GRHL2: variants seen among roughly 807,000 people sequenced by gnomAD.
The protein encoded by GRHL2 is grainyhead-like protein 2 homolog.
Under a neutral mutation model 83.8 loss-of-function variants are expected in GRHL2, and 21 were observed. That is an observed-to-expected ratio of 0.25 (90% CI 0.18 to 0.36). The LOEUF is 0.36. Ranked by LOEUF, GRHL2 falls within the 10% of genes least tolerant of loss-of-function variation. The pLI, the probability that GRHL2 is intolerant of heterozygous loss-of-function variation, is 1.00. For missense variants in GRHL2, 623 were observed against 781.8 expected, an observed-to-expected ratio of 0.80 and a Z score of 2.42; for synonymous variants, 280 against 278.9, an observed-to-expected ratio of 1.00 and a Z score of -0.04.
At chr8:101,503,769 T>A (rs1424649883) in intron 1 of GRHL2, among the ~76,000 whole-genome samples, 1 of 152,108 alleles carries the variant, frequency 6.6e-6, no homozygotes, top group African/African-American at 2.4e-5. Flanking sequence ...AATGAAAAAA[T>A]CCTTAATGAT....
At chr8:101,639,940 C>T (rs1254093558) in intron 12 of GRHL2, among the ~76,000 whole-genome samples, 1 of 152,224 alleles carries the variant, frequency 6.6e-6, no homozygotes, top group African/African-American at 2.4e-5. Flanking sequence ...TCATCACTCA[C>T]ACAATGACCA....
At chr8:101,586,722 C>T (rs749600574) in intron 7 of GRHL2, among the ~76,000 whole-genome samples, 6 of 152,158 alleles carry the variant, frequency 3.9e-5, no homozygotes, top group Non-Finnish European at 7.3e-5. Flanking sequence ...ACCGATGTTG[C>T]ATAATCGATG....
intron 2 of GRHL2, chr8:101,543,710 C>T (rs887147198): frequency 2.2e-6 from 1 of 447,164 alleles, no homozygotes; most frequent in African/African-American, 2.0e-5. Flanking sequence ...TTATTCTTAC[C>T]ATATTACAAA....
intron 11 of GRHL2, among the ~76,000 whole-genome samples, chr8:101,632,727 G>A (rs61627948): frequency 0.11 from 16,544 of 152,240 alleles, 2,435 homozygotes; most frequent in African/African-American, 0.33. Flanking sequence ...AACTGCACCT[G>A]TAACTGCATA....
At chr8:101,612,520 G>GATAGATAGATACATAC (rs371662487) in intron 8 of GRHL2, among the ~76,000 whole-genome samples, 4,942 of 123,536 alleles carry the variant, frequency 0.04, 140 homozygotes, top group Non-Finnish European at 0.048. Flanking sequence ...TAGATAGATA[G>GATAGATAGATACATAC]ATACATACAT....
At chr8:101,552,983 C>T (rs1811416166) in intron 3 of GRHL2, among the ~76,000 whole-genome samples, 1 of 152,290 alleles carries the variant, frequency 6.6e-6, no homozygotes, top group East Asian at 1.9e-4. Flanking sequence ...AGGGTCTCTC[C>T]ACCCTCTTCA....
downstream of GRHL2, among the ~76,000 whole-genome samples, chr8:101,670,684 C>A (rs1814190093): frequency 6.6e-6 from 1 of 152,222 alleles, no homozygotes; most frequent in African/African-American, 2.4e-5. Context: ...GCAGCCTCCC[C>A]CTTGGCCTGT....
rs1003359624 is a variant in GRHL2, at chr8:101,669,406, A to G, written c.*2703A>G. On this transcript the variant is annotated 3_prime_UTR_variant, in exon 16 of 16. Coordinates refer to ENST00000646743, the MANE Select transcript of GRHL2 (RefSeq NM_024915.4). ...ATGTCATCTTGGAATTGGTTTCTAA[A>G]AGAGTAAGGCATGTCCCTGCCCAGA... 6.6e-6 allele frequency: 1 copy of G among 152,510 alleles called. No individual in the cohort carries two copies. The highest frequency in any genetic ancestry group is 2.4e-5 in the African/African-American group (1 of 41,428). 9.4% of individuals were successfully genotyped at this position (152,510 alleles called of 1,614,324 possible). A position where few individuals can be genotyped will look rare whatever the true frequency, so the allele number is the denominator to read the frequency against.
At chr8:101,672,960 A>G (rs544857875), downstream of GRHL2, among the ~76,000 whole-genome samples, 1 of 151,860 alleles carries the variant, frequency 6.6e-6, no homozygotes, top group South Asian at 2.1e-4. Flanking sequence ...ACTAAGCTTC[A>G]TAAGTGAAGG....
intron 12 of GRHL2, among the ~76,000 whole-genome samples, chr8:101,642,027 A>G (rs1182538281): frequency 6.6e-6 from 1 of 152,104 alleles, no homozygotes; most frequent in Non-Finnish European, 1.5e-5. Flanking sequence ...GAATTTTTTT[A>G]TTGTGGTTGG....
chr8:101,555,288 T>G (rs140021723), intron 3 of GRHL2, among the ~76,000 whole-genome samples: 43 of 152,332 alleles, frequency 2.8e-4, no homozygotes, highest in African/African-American at 1.0e-3. Flanking sequence ...TAGGGGCTTA[T>G]CCCCAAGTAT....
chr8:101,638,893 G>A (rs1390800538), intron 12 of GRHL2, among the ~76,000 whole-genome samples: 5 of 152,200 alleles, frequency 3.3e-5, no homozygotes, highest in Non-Finnish European at 7.3e-5. Flanking sequence ...TTCCACTCCT[G>A]GACTGCCGCC....
chr8:101,567,862 A>G (rs1436599199), intron 4 of GRHL2, among the ~76,000 whole-genome samples: 1 of 152,206 alleles, frequency 6.6e-6, no homozygotes, highest in African/African-American at 2.4e-5. Flanking sequence ...GCAGAAATCT[A>G]TGGCATGGAT....
chr8:101,639,808 T>C (rs1813361473), intron 12 of GRHL2, among the ~76,000 whole-genome samples: 1 of 152,242 alleles, frequency 6.6e-6, no homozygotes, highest in African/African-American at 2.4e-5. Context: ...TCGCTGGTAT[T>C]TGTACAGCTT....
At chr8:101,522,252 G>A (rs2130049565) in intron 1 of GRHL2, among the ~76,000 whole-genome samples, 1 of 151,974 alleles carries the variant, frequency 6.6e-6, no homozygotes, top group Non-Finnish European at 1.5e-5. Flanking sequence ...CTAACCAGCT[G>A]TATTTCAAAG....
chr8:101,524,499 A>T (rs891365088), intron 1 of GRHL2, among the ~76,000 whole-genome samples: 1 of 152,086 alleles, frequency 6.6e-6, no homozygotes, highest in African/African-American at 2.4e-5. Context: ...CTAAGTGCTG[A>T]TTTATCTATA....
chr8:101,613,866 G>A (rs750998087), intron 8 of GRHL2, among the ~76,000 whole-genome samples: 4 of 150,700 alleles, frequency 2.7e-5, no homozygotes, highest in Non-Finnish European at 4.4e-5. Context: ...TTTCAGTCTC[G>A]ATTATCAGGA....
chr8:101,508,179 C>A, intron 1 of GRHL2, among the ~76,000 whole-genome samples: 1 of 152,206 alleles, frequency 6.6e-6, no homozygotes, highest in East Asian at 1.9e-4. Flanking sequence ...TCAAAAGGTA[C>A]GCACTTTTTG....
chr8:101,542,781 G>A (rs1437658097), intron 1 of GRHL2: 1 of 456,680 alleles, frequency 2.2e-6, no homozygotes, highest in Admixed American at 2.3e-5. Flanking sequence ...CATCTTATGG[G>A]GAAAGATGGA....
Sources: allele counts gnomAD v4.1 joint callset (sites outside exome capture counted in the v4.1 genomes callset), GRCh38; gene constraint gnomAD v4.1.1; transcripts MANE v1.5; gene names NCBI Gene and HGNC (gene_info 2026-07-23, HGNC 2026-07-21).